The following ENG variants were observed in gnomAD, a reference collection of about 807,000 sequenced individuals.
The protein encoded by ENG is CD105 antigen.
A neutral mutation model predicts 71.0 loss-of-function variants in ENG; 17 were observed. That is an observed-to-expected ratio of 0.24 (90% confidence interval 0.16 to 0.36). The LOEUF is 0.36. ENG is among the 10% of genes least tolerant of loss of function. ENG has a pLI of 1.00. For missense variants in ENG, 749 were observed against 868.3 expected (o/e 0.86, Z 1.73); for synonymous variants, 360 against 366.9 (o/e 0.98, Z 0.21).
Position 127,824,582 on chromosome 9 carries a change from G to A in ENG, c.992-136C>T, listed in dbSNP as rs538553654. On this transcript the variant is annotated intron_variant, in intron 7 of 14. Coordinates refer to ENST00000373203, the MANE Select transcript of ENG (RefSeq NM_001114753.3). ...TACCCGGGCTGGAGTGCAGTGGCAC[G>A]ATCTTGGCTCACTGCAACCTCCATC... is the stretch of plus-strand genomic sequence containing the variant. The A allele has an allele frequency of 2.6e-5, 31 of 1,194,500 alleles. No individual in the cohort carries two copies. In the South Asian group the frequency reaches 3.4e-4, roughly 13 times the overall value. The allele number at this position is 1,194,500 out of a possible 1,614,324, so 74.0% of individuals were successfully genotyped here.
chr9:127,825,156 A>C (rs1215038911), intron 6 of ENG, 75 bp downstream of exon 6: 19 of 1,612,048 alleles, frequency 1.2e-5, no homozygotes, highest in African/African-American at 2.7e-5. Context: ...TCGGGGGTTC[A>C]CCTTTCCAGG....
intron 1 of ENG, among the ~76,000 whole-genome samples, chr9:127,852,868 T>G (rs538649662): frequency 1.3e-5 from 2 of 152,158 alleles, no homozygotes; most frequent in Non-Finnish European, 2.9e-5. Context: ...CTTTGATCCT[T>G]TAAAACCAGG....
In ENG at chr9:127,825,813, C is replaced by A; in HGVS notation, c.571G>T (p.Gly191Cys). Reference protein sequence around the residue: ...FCMLEASQDMGRTLEWRPRTP... With the variant: ...FCMLEASQDMCRTLEWRPRTP... ...CGCGGCCGCCACTCGAGCGTGCGGC[C>A]CATGTCCTGGCTGGCTTCCAGCATG... Residue 191 changes from glycine (G) to cysteine (C), a missense_variant, in exon 5 of 15, where the codon GGC becomes TGC. Coordinates refer to ENST00000373203, the MANE Select transcript of ENG (RefSeq NM_001114753.3). 1 of 1,597,596 alleles carries A rather than the reference C, an allele frequency of 6.3e-7. No homozygotes were observed. The highest frequency in any genetic ancestry group is 8.5e-7 in the Non-Finnish European group (1 of 1,172,940).
At chr9:127,840,882 C>T (rs908182283) in intron 2 of ENG, among the ~76,000 whole-genome samples, 1 of 152,222 alleles carries the variant, frequency 6.6e-6, no homozygotes, top group African/African-American at 2.4e-5. Context: ...ACTCAAGGAT[C>T]CTTGGAATAT....
intron 8 of ENG, 145 bp from the exon 9 acceptor site, chr9:127,820,182 T>G (rs1830437748): frequency 8.3e-7 from 1 of 1,199,294 alleles, no homozygotes. Context: ...TTGTTAGATG[T>G]CATCATCCTA....
At position 127,826,517 on chromosome 9, in the gene ENG, C is replaced by T. The variant is rs1190472424; in HGVS notation, c.516G>A (p.Leu172=). Residue 172 remains leucine, a synonymous_variant, in exon 4 of 15, where the codon CTG becomes CTA. Coordinates refer to ENST00000373203, the MANE Select transcript of ENG (RefSeq NM_001114753.3). ...GTTGCTGGGGAAACTGACCTTGGCCCAGTCGGAGGAGGATGCTCTGGGGGT... is the reference window on the plus strand; with the variant it reads ...GTTGCTGGGGAAACTGACCTTGGCCTAGTCGGAGGAGGATGCTCTGGGGGT... ...LNDPQSILLR[L]GQAQGSLSFC... is the part of the protein sequence containing the mutation. 3 of 1,614,024 alleles carry T rather than the reference C, an allele frequency of 1.9e-6. No individual in the cohort carries two copies. The highest frequency in any genetic ancestry group is 1.1e-5 in the South Asian group (1 of 91,080).
intron 7 of ENG, 95 bp downstream of exon 7, chr9:127,824,705 C>T (rs1370928222): frequency 2.2e-6 from 3 of 1,367,438 alleles, no homozygotes; most frequent in Non-Finnish European, 2.9e-6. Flanking sequence ...GGCTGATGTA[C>T]CTTGCCCAAG....
At chr9:127,819,447 A>G in intron 10 of ENG, 175 bp downstream of exon 10, 1 of 793,448 alleles carries the variant, frequency 1.3e-6, no homozygotes, top group Non-Finnish European at 2.1e-6. Context: ...AGAGACCAAG[A>G]GCGTCACCCT....
intron 3 of ENG, among the ~76,000 whole-genome samples, chr9:127,828,737 G>T (rs1307567662): frequency 1.3e-5 from 2 of 152,104 alleles, no homozygotes; most frequent in Non-Finnish European, 2.9e-5. Flanking sequence ...GGTCATGTCT[G>T]ACTGTCTCTG....
At chr9:127,825,944 G>A in intron 4 of ENG, 84 bp from the exon 5 acceptor site, 1 of 1,523,400 alleles carries the variant, frequency 6.6e-7, no homozygotes, top group Non-Finnish European at 8.9e-7. Flanking sequence ...GCCAAAGATA[G>A]TGGTGGGGCA....
intron 3 of ENG, among the ~76,000 whole-genome samples, chr9:127,827,814 G>A (rs1322836307): frequency 3.3e-5 from 5 of 151,692 alleles, no homozygotes; most frequent in Admixed American, 6.6e-5. Flanking sequence ...TCAGGAGTTC[G>A]AGACCAGCCT....
intron 2 of ENG, among the ~76,000 whole-genome samples, chr9:127,832,063 A>G (rs576736157): frequency 1.5e-5 from 2 of 129,692 alleles, no homozygotes; most frequent in South Asian, 4.8e-4. Context: ...GACATGAGCT[A>G]CCATTCTTTT....
rs1830632035 is a variant in ENG at position 127,826,906 on chromosome 9, C to T, written c.361-234G>A. 5 of 552,128 alleles carry T rather than the reference C, an allele frequency of 9.1e-6. No homozygotes were observed. The East Asian group carries it at 1.6e-4, about 18-fold the overall frequency. 34.2% of individuals were successfully genotyped at this position (552,128 alleles called of 1,614,324 possible). ...AGATGAACACACCACCTTGTTCATC[C>T]ACCTGTCCAAACATCACCCACCCCT... is the stretch of plus-strand genomic sequence containing the variant. On this transcript the variant is annotated intron_variant, in intron 3 of 14. Transcript: ENST00000373203.
intron 2 of ENG, among the ~76,000 whole-genome samples, chr9:127,833,907 T>C (rs561946114): frequency 4.6e-5 from 7 of 152,350 alleles, no homozygotes; most frequent in African/African-American, 1.7e-4. Flanking sequence ...GAACAAATAA[T>C]AATATTTCAT....
At chr9:127,850,857 T>A (rs1276830018) in intron 1 of ENG, among the ~76,000 whole-genome samples, 1 of 152,206 alleles carries the variant, frequency 6.6e-6, no homozygotes, top group Non-Finnish European at 1.5e-5. Context: ...GTGGTAGTAT[T>A]TATAACTAGA....
intron 11 of ENG, 135 bp from the exon 12 acceptor site, chr9:127,818,512 T>G: frequency 6.6e-7 from 1 of 1,512,020 alleles, no homozygotes; most frequent in Non-Finnish European, 9.0e-7. Flanking sequence ...CATGGACCTG[T>G]CTGGGGCAGA....
At chr9:127,816,344 G>T (rs1172789247) in intron 13 of ENG, 3 of 504,880 alleles carry the variant, frequency 5.9e-6, no homozygotes, top group South Asian at 2.0e-5. Flanking sequence ...ATGGGGTAAC[G>T]TGAGGAAACT....
intron 1 of ENG, among the ~76,000 whole-genome samples, chr9:127,847,417 A>G (rs1357145413): frequency 6.6e-6 from 1 of 152,014 alleles, no homozygotes; most frequent in Non-Finnish European, 1.5e-5. Context: ...TGTGAATATT[A>G]TTTCATCATA....
chr9:127,825,372 A>G lies in ENG; in HGVS notation c.690-15T>C, dbSNP rs1249068280. 6.2e-7 allele frequency: 1 copy of G among 1,606,990 alleles called. No individual in the cohort carries two copies. Among genetic ancestry groups the G allele is most frequent in the East Asian group, 2.2e-5 (1 of 44,778 alleles). Reference sequence around the variant, plus strand: ...CCGTCCGGGGCCTGCGGGGAGACAGACGCGGATGGAACACTGAAGCGGACA... The same window carrying G: ...CCGTCCGGGGCCTGCGGGGAGACAGGCGCGGATGGAACACTGAAGCGGACA... On this transcript the variant is annotated splice_polypyrimidine_tract_variant and intron_variant, in intron 5 of 14. Coordinates refer to ENST00000373203, the MANE Select transcript of ENG (RefSeq NM_001114753.3).
Sources: allele counts gnomAD v4.1 joint callset (sites outside exome capture counted in the v4.1 genomes callset), GRCh38; gene constraint gnomAD v4.1.1; transcripts MANE v1.5; gene names NCBI Gene and HGNC (gene_info 2026-07-23, HGNC 2026-07-21).